CAMTA2: variants seen among roughly 807,000 people sequenced by gnomAD.
CAMTA2 encodes the protein calmodulin-binding transcription activator 2.
In CAMTA2, 56 loss-of-function variants were observed where a neutral mutation model predicts 135.7. The observed-to-expected ratio is 0.41, with a 90% confidence interval of 0.33 to 0.52. The LOEUF (loss-of-function observed/expected upper bound fraction) is 0.52. Ranked by LOEUF, CAMTA2 falls within the 20% of genes least tolerant of loss-of-function variation. The pLI is 0.16. For synonymous variants in CAMTA2, 591 were observed against 604.6 expected, an observed-to-expected ratio of 0.98 and a Z score of 0.33; for missense variants, 1,358 against 1,553.4, an observed-to-expected ratio of 0.87 and a Z score of 2.11.
rs543022389 is a variant in CAMTA2 at position 4,978,731 on chromosome 17, T to C, written c.1639-101A>G. 54 of 1,375,314 alleles carry C rather than the reference T, an allele frequency of 3.9e-5. No individual in the cohort carries two copies. In the African/African-American group the frequency reaches 7.4e-4, roughly 19 times the overall value. 85.2% of individuals were successfully genotyped at this position (1,375,314 alleles called of 1,614,324 possible). On this transcript the variant is annotated intron_variant, in intron 9 of 22. Coordinates refer to ENST00000348066, the MANE Select transcript of CAMTA2 (RefSeq NM_015099.4). ...TACAGGGTATCTACTATATGGCAGG[T>C]CCTGTGCTAGAGTCTGGGGGTCCAG... is the stretch of plus-strand genomic sequence containing the variant.
intron 17 of CAMTA2, 55 bp downstream of exon 17, chr17:4,970,285 C>T: frequency 6.3e-7 from 1 of 1,589,658 alleles, no homozygotes; most frequent in Non-Finnish European, 8.6e-7. Context: ...CCAGCTTTCT[C>T]CCTTCCTCCC....
rs749504415 is a variant in CAMTA2 at position 4,980,078 on chromosome 17, G to A, written c.1244C>T (p.Pro415Leu). ...AAHTPCSALE[P>L]AAALEPQAAA... ...TGCCTGGGGCTCCAGGGCAGCAGCAGGCTCTAGGGCAGAACAGGGGGTATG... is the reference window on the plus strand; with the variant it reads ...TGCCTGGGGCTCCAGGGCAGCAGCAAGCTCTAGGGCAGAACAGGGGGTATG... The change falls in exon 9 of 23, where the codon CCT becomes CTT. Residue 415 changes from proline (P) to leucine (L), a missense_variant. Physicochemically the swap from Pro to Leu is moderately conservative, Grantham distance 98. This residue lies in a region of CAMTA2 where 1,077 missense variants were observed against 1,127.5 expected (regional missense o/e 0.96). Transcript: ENST00000348066. The surrounding 1 kb of genome is among the most constrained non-coding windows in gnomAD (Gnocchi z 5.3). 2.5e-6 allele frequency: 4 copies of A among 1,613,738 alleles called. No homozygotes were observed. Among genetic ancestry groups the A allele is most frequent in the Non-Finnish European group, 2.5e-6 (3 of 1,179,858 alleles).
intron 11 of CAMTA2, among the ~76,000 whole-genome samples, chr17:4,976,591 C>T (rs1246741992): frequency 6.6e-6 from 1 of 152,028 alleles, no homozygotes; most frequent in Non-Finnish European, 1.5e-5. Context: ...ATCCCAGCTA[C>T]TTGGGAGGCT....
chr17:4,969,920 C>T lies in CAMTA2; in HGVS notation c.3171G>A (p.Thr1057=), dbSNP rs766358642. The T allele has an allele frequency of 1.6e-5, 26 of 1,614,030 alleles. No individual in the cohort carries two copies. The highest frequency in any genetic ancestry group is 8.9e-5 in the East Asian group (4 of 44,890). ...CCCTGACCTTGTACTTTCGGAAGGC[C>T]GTCTGGATGACTCGGGCAGCCTCAT... The part of the protein sequence containing the change: ...ELYEAARVIQ[T]AFRKYKGRRL... Residue 1057 remains threonine, a synonymous_variant, in exon 18 of 23, where the codon ACG becomes ACA. Coordinates refer to ENST00000348066, the MANE Select transcript of CAMTA2 (RefSeq NM_015099.4). This position sits in a 1 kb window ranked among gnomAD's most constrained non-coding sequence, Gnocchi z 5.6.
At position 4,979,680 on chromosome 17, in the gene CAMTA2, T is replaced by C. The variant is rs1306431030; in HGVS notation, c.1638+4A>G. The C allele has an allele frequency of 6.2e-7, 1 of 1,602,278 alleles. No homozygotes were observed. The highest frequency in any genetic ancestry group is 8.5e-7 in the Non-Finnish European group (1 of 1,171,100). On this transcript the variant is annotated splice_donor_region_variant and intron_variant, in intron 9 of 22. Coordinates refer to ENST00000348066, the MANE Select transcript of CAMTA2 (RefSeq NM_015099.4). The stretch of plus-strand genomic sequence containing the variant: ...AGGAGGGAGGAGGTAAGCCTGAGTC[T>C]CACCTCTGGGTAGGACCACTCTGGG...
Position 4,968,103 on chromosome 17 carries a change from C to G in CAMTA2, c.*653G>C. ...CCCCGCCGCGCTAGAGAACCACAAGCCCGGCCGTGCAGCCCTCCCCGCGGC... is the reference window on the plus strand; with the variant it reads ...CCCCGCCGCGCTAGAGAACCACAAGGCCGGCCGTGCAGCCCTCCCCGCGGC... On this transcript the variant is annotated 3_prime_UTR_variant, in exon 23 of 23. Coordinates refer to ENST00000348066, the MANE Select transcript of CAMTA2 (RefSeq NM_015099.4). 2.1e-6 allele frequency: 1 copy of G among 480,592 alleles called. No homozygotes were observed. The allele number at this position is 480,592 out of a possible 1,614,324, so 29.8% of individuals were successfully genotyped here.
At chr17:4,970,638 C>A in intron 16 of CAMTA2, 102 bp from the exon 17 acceptor site, 1 of 945,298 alleles carries the variant, frequency 1.1e-6, no homozygotes, top group Non-Finnish European at 1.6e-6. Flanking sequence ...CCAGGTGCTG[C>A]TAACCCTGTC....
rs181795144 is a variant in CAMTA2, at chr17:4,970,673, A to G, written c.2809-137T>C. On this transcript the variant is annotated intron_variant, in intron 16 of 22. Coordinates refer to ENST00000348066, the MANE Select transcript of CAMTA2 (RefSeq NM_015099.4). ...CTTTCTGGGCCACTGTTCCAGACTCATTCATTTATACTGATGGGGCTCCCA... is the reference window on the plus strand; with the variant it reads ...CTTTCTGGGCCACTGTTCCAGACTCGTTCATTTATACTGATGGGGCTCCCA... 27 of 692,752 alleles carry G rather than the reference A, an allele frequency of 3.9e-5. No homozygotes were observed. The African/African-American group carries it at 4.1e-4, about 10-fold the overall frequency. 42.9% of individuals were successfully genotyped at this position (692,752 alleles called of 1,614,324 possible).
chr17:4,987,374 C>CG, intron 1 of CAMTA2: 16 of 1,360,460 alleles, frequency 1.2e-5, no homozygotes, highest in Non-Finnish European at 1.4e-5. Flanking sequence ...GTGCCGGGTG[C>CG]GGGGGTCTCC....
chr17:4,981,521 C>T (rs1344844149), intron 7 of CAMTA2, among the ~76,000 whole-genome samples, 157 bp downstream of exon 7: 1 of 152,190 alleles, frequency 6.6e-6, no homozygotes, highest in East Asian at 1.9e-4. Context: ...GTCCTTTCTC[C>T]GTATTCTAAT....
rs912474559 is a variant in CAMTA2, at chr17:4,986,341, A to C, written c.-64-55T>G. On this transcript the variant is annotated intron_variant, in intron 1 of 22. Transcript: ENST00000348066. ...GAAGCCCCCACATTAATCCAGGATG[A>C]GAAGTATGAGGTAGGGAGTGGGTAT... The C allele has an allele frequency of 1.4e-5, 10 of 719,796 alleles. No individual in the cohort carries two copies. In the African/African-American group the frequency reaches 1.6e-4, roughly 12 times the overall value. 44.6% of individuals were successfully genotyped at this position (719,796 alleles called of 1,614,324 possible). A position where few individuals can be genotyped will look rare whatever the true frequency, so the allele number is the denominator to read the frequency against.
intron 16 of CAMTA2, among the ~76,000 whole-genome samples, chr17:4,971,991 A>AT (rs541775952): frequency 4.6e-5 from 7 of 150,854 alleles, no homozygotes; most frequent in African/African-American, 7.3e-5. Flanking sequence ...GCCCGGCCAA[A>AT]TTTTTTTTTT....
At position 4,969,330 on chromosome 17, in the gene CAMTA2, A is replaced by C. The variant is rs1720444527; in HGVS notation, c.3290T>G (p.Leu1097Arg). Residue 1097 changes from leucine (L) to arginine (R), a missense_variant, in exon 21 of 23, where the codon CTC (leucine) becomes CGC (arginine). Leu to Arg is a moderately radical substitution (Grantham distance 102). This residue lies in a region of CAMTA2 where 167 missense variants were observed against 207.0 expected (regional missense o/e 0.81). Transcript: ENST00000348066. The surrounding 1 kb of genome is among the most constrained non-coding windows in gnomAD (Gnocchi z 5.6). ...QLTWIALKFA[L>R]YKKMTQAAIL... ...GGCCGCCTGGGTCATCTTCTTATAG[A>C]GTGCAAACTGCAGGGGTGGGGAGGA... The C allele has an allele frequency of 1.2e-6, 2 of 1,613,222 alleles. No homozygotes were observed. Among genetic ancestry groups the C allele is most frequent in the African/African-American group, 1.3e-5 (1 of 74,694 alleles).
intron 2 of CAMTA2, 26 bp downstream of exon 2, chr17:4,986,166 A>G: frequency 1.4e-6 from 2 of 1,405,298 alleles, no homozygotes; most frequent in African/African-American, 1.4e-5. Context: ...CTGTGGCCAC[A>G]TTGGGAACCT....
In CAMTA2 at chr17:4,969,094, AG is replaced by A; in HGVS notation, c.3470+55del. On this transcript the variant is annotated intron_variant, in intron 21 of 22. Transcript: ENST00000348066. The surrounding 1 kb of genome is among the most constrained non-coding windows in gnomAD (Gnocchi z 5.6). Reference sequence around the variant, plus strand: ...GGCATGATGATCAAGAGGATGAGTAAGGGGGAATGGCGTGGATGCAGTGGGT... The same window carrying A: ...GGCATGATGATCAAGAGGATGAGTAAGGGGAATGGCGTGGATGCAGTGGGT... 6.3e-7 allele frequency: 1 copy of A among 1,583,232 alleles called. No homozygotes were observed. The highest frequency in any genetic ancestry group is 1.1e-5 in the South Asian group (1 of 89,472).
In CAMTA2 at chr17:4,974,117, G is replaced by A. The variant is rs547170109; in HGVS notation, c.2016+268C>T. The A allele has an allele frequency of 2.1e-5, 11 of 536,316 alleles. No individual in the cohort carries two copies. The East Asian group carries it at 3.3e-4, about 16-fold the overall frequency. 33.2% of individuals were successfully genotyped at this position (536,316 alleles called of 1,614,324 possible). Reference sequence around the variant, plus strand: ...GACCCACAGAGATCTGAGCCCCAGTGCTCCTGACCCCTCCCCCGCCCTCTC... The same window carrying A: ...GACCCACAGAGATCTGAGCCCCAGTACTCCTGACCCCTCCCCCGCCCTCTC... On this transcript the variant is annotated intron_variant, in intron 12 of 22. Coordinates refer to ENST00000348066, the MANE Select transcript of CAMTA2 (RefSeq NM_015099.4).
rs1972989380 is a variant in CAMTA2 at position 4,982,008 on chromosome 17, A to T, written c.411+81T>A. 19 of 1,330,018 alleles carry T rather than the reference A, an allele frequency of 1.4e-5. No homozygotes were observed. In the South Asian group the frequency reaches 2.0e-4, roughly 14 times the overall value. 82.4% of individuals were successfully genotyped at this position (1,330,018 alleles called of 1,614,324 possible). A position where few individuals can be genotyped will look rare whatever the true frequency, so the allele number is the denominator to read the frequency against. ...TCCTTTCCTCACTCAGAACTCAGCC[A>T]TCCTTTCACTTCCTTCTTTCAGACC... On this transcript the variant is annotated intron_variant, in intron 6 of 22. Coordinates refer to ENST00000348066, the MANE Select transcript of CAMTA2 (RefSeq NM_015099.4).
intron 1 of CAMTA2, 190 bp from the exon 2 acceptor site, chr17:4,986,476 A>C: frequency 1.8e-6 from 1 of 571,260 alleles, no homozygotes; most frequent in South Asian, 2.1e-5. Flanking sequence ...AATATGAGTG[A>C]GCAGACTGGA....
Position 4,970,041 on chromosome 17 carries a change from G to A in CAMTA2, c.3050C>T (p.Pro1017Leu). ...ERGRLAVPSA[P>L]SWAEFLSAST... Reference sequence around the variant, plus strand: ...TGCAGAGAGAAACTCTGCCCAGGAGGGTGCTGAAGGGACAGCCAGGCGACC... The same window carrying A: ...TGCAGAGAGAAACTCTGCCCAGGAGAGTGCTGAAGGGACAGCCAGGCGACC... Residue 1017 changes from proline (P) to leucine (L), a missense_variant, in exon 18 of 23, where the codon CCC becomes CTC. Pro to Leu is a moderately conservative substitution (Grantham distance 98). This residue lies in a region of CAMTA2 where 1,077 missense variants were observed against 1,127.5 expected (regional missense o/e 0.96). Transcript: ENST00000348066. 8 of 1,614,148 alleles carry A rather than the reference G, an allele frequency of 5.0e-6. No homozygotes were observed. The highest frequency in any genetic ancestry group is 6.8e-6 in the Non-Finnish European group (8 of 1,180,032).
Sources: allele counts gnomAD v4.1 joint callset (sites outside exome capture counted in the v4.1 genomes callset), GRCh38; gene constraint gnomAD v4.1.1; regional missense constraint gnomAD v4.1.1; non-coding constraint Gnocchi (gnomAD v3.1); transcripts MANE v1.5; gene names NCBI Gene and HGNC (gene_info 2026-07-23, HGNC 2026-07-21).